BOD1L1: variants seen among roughly 807,000 people sequenced by gnomAD.
BOD1L1 encodes biorientation of chromosomes in cell division 1 like 1, also known as biorientation of chromosomes in cell division protein 1-like 1.
Under a neutral mutation model 240.7 loss-of-function variants are expected in BOD1L1, and 86 were observed. The ratio of observed to expected loss-of-function variants is 0.36; its 90% CI spans 0.30 to 0.43. The LOEUF is 0.43. BOD1L1 is among the 20% of genes least tolerant of loss of function. The pLI is 1.00. For missense variants in BOD1L1, 3,554 were observed against 3,643.5 expected (o/e 0.98, Z 0.63); for synonymous variants, 1,268 against 1,272.3 (o/e 1.00, Z 0.07).
In BOD1L1 at chr4:13,586,483, T is replaced by A; in HGVS notation, c.8354-8A>T. 6.3e-7 allele frequency: 1 copy of A among 1,585,492 alleles called. No individual in the cohort carries two copies. Among genetic ancestry groups the A allele is most frequent in the East Asian group, 2.2e-5 (1 of 44,594 alleles). On this transcript the variant is annotated splice_polypyrimidine_tract_variant and splice_region_variant and intron_variant, in intron 16 of 25. Coordinates refer to ENST00000040738, the MANE Select transcript of BOD1L1 (RefSeq NM_148894.3). Reference sequence around the variant, plus strand: ...GGACATCTGGATTATCATCTGTAAATCAGTTTAGACAGAATCACAAAGGAA... The same window carrying A: ...GGACATCTGGATTATCATCTGTAAAACAGTTTAGACAGAATCACAAAGGAA...
At chr4:13,587,242 G>C (rs1023008052) in intron 16 of BOD1L1, among the ~76,000 whole-genome samples, 1 of 152,162 alleles carries the variant, frequency 6.6e-6, no homozygotes, top group African/African-American at 2.4e-5. Flanking sequence ...AGTAGCTTCT[G>C]TATTAGACAA....
rs1231112100 is a variant in BOD1L1, at chr4:13,603,434, G to C, written c.3466C>G (p.Gln1156Glu). 2.5e-6 allele frequency: 4 copies of C among 1,613,040 alleles called. No individual in the cohort carries two copies. Among genetic ancestry groups the C allele is most frequent in the African/African-American group, 1.3e-5 (1 of 74,870 alleles). ...TTTTGAACAGTGGCAGAAGTTTTTT[G>C]TTTCATATTTTCAGAGTCAATGTCT... Reference protein sequence around the residue: ...QQDIDSENMKQKTSATVQKDE... With the variant: ...QQDIDSENMKEKTSATVQKDE... Residue 1156 changes from glutamine (Q) to glutamate (E), a missense_variant, in exon 10 of 26, where the codon CAA (glutamine) becomes GAA (glutamate). Physicochemically the swap from Gln to Glu is conservative, Grantham distance 29. This residue lies in a region of BOD1L1 where 3,393 missense variants were observed against 3,427.1 expected (regional missense o/e 0.99). Transcript: ENST00000040738.
At chr4:13,617,727 TA>T (rs1458193743) in intron 2 of BOD1L1, among the ~76,000 whole-genome samples, 1 of 152,200 alleles carries the variant, frequency 6.6e-6, no homozygotes, top group African/African-American at 2.4e-5. Flanking sequence ...TTACTGGTAT[TA>T]GACCATTTTT....
chr4:13,588,526 C>T (rs988455732), intron 15 of BOD1L1, among the ~76,000 whole-genome samples, 196 bp downstream of exon 15: 1 of 152,128 alleles, frequency 6.6e-6, no homozygotes, highest in Non-Finnish European at 1.5e-5. Context: ...TGGGCACTTC[C>T]AAACAGTCCT....
In BOD1L1 at chr4:13,599,821, T is replaced by C. The variant is rs1259857048; in HGVS notation, c.7079A>G (p.Asn2360Ser). 2 of 1,613,932 alleles carry C rather than the reference T, an allele frequency of 1.2e-6. No individual in the cohort carries two copies. The highest frequency in any genetic ancestry group is 1.7e-5 in the Admixed American group (1 of 60,008). The change falls in exon 10 of 26, where the codon AAC (asparagine) becomes AGC (serine). Residue 2360 changes from asparagine (N) to serine (S), a missense_variant. By Grantham distance (46) the Asn-to-Ser change is conservative. Around this residue, in one of 2 missense-constraint regions of BOD1L1, gnomAD observed 3,393 missense variants for 3,427.1 expected, o/e 0.99. Coordinates refer to ENST00000040738, the MANE Select transcript of BOD1L1 (RefSeq NM_148894.3). ...CACTTCTGTGGCTGACAGGTCACCG[T>C]TCCCTTCTGGGTTGTCTGCAGTCAG... ...NQLTADNPEG[N>S]GDLSATEVSK... is the part of the protein sequence containing the mutation.
chr4:13,594,295 A>C (rs1443343313), intron 12 of BOD1L1, among the ~76,000 whole-genome samples: 1 of 152,222 alleles, frequency 6.6e-6, no homozygotes, highest in Non-Finnish European at 1.5e-5. Context: ...GGACTGGCTT[A>C]AATTTGGTCA....
intron 19 of BOD1L1, 79 bp from the exon 20 acceptor site, chr4:13,581,286 C>A: frequency 1.9e-6 from 2 of 1,060,158 alleles, no homozygotes; most frequent in South Asian, 3.2e-5. Flanking sequence ...TCTCAAAAAT[C>A]AGATTTAGAG....
chr4:13,577,395 A>G lies in BOD1L1; in HGVS notation c.8884+8T>C. 4.3e-6 allele frequency: 7 copies of G among 1,610,726 alleles called. No homozygotes were observed. The highest frequency in any genetic ancestry group is 5.9e-6 in the Non-Finnish European group (7 of 1,178,504). On this transcript the variant is annotated splice_region_variant and intron_variant, in intron 24 of 25. Coordinates refer to ENST00000040738, the MANE Select transcript of BOD1L1 (RefSeq NM_148894.3). Reference sequence around the variant, plus strand: ...ATAAGACTTATTAAGAATTTGCTAGAAACATACCAGCATCATCTGATACAG... The same window carrying G: ...ATAAGACTTATTAAGAATTTGCTAGGAACATACCAGCATCATCTGATACAG...
intron 21 of BOD1L1, 40 bp from the exon 22 acceptor site, chr4:13,580,013 G>T (rs369934651): frequency 3.0e-5 from 43 of 1,415,112 alleles, no homozygotes; most frequent in African/African-American, 4.3e-5. Context: ...TTTTAAATCA[G>T]CAGTTTATAA....
In BOD1L1 at chr4:13,611,048, A is replaced by G. The variant is rs1270503560; in HGVS notation, c.1377T>C (p.Ser459=). 3.7e-6 allele frequency: 6 copies of G among 1,611,144 alleles called. No individual in the cohort carries two copies. ...GCCGTACACTTTTTGTTTTTCCTTC[A>G]CTAGAATCACTAGTTTGAGTTTTTG... ...NKTKTQTSDS[S]EGKTKSVRHA... The change falls in exon 6 of 26, where the codon AGT becomes AGC. Residue 459 remains serine, a synonymous_variant. Coordinates refer to ENST00000040738, the MANE Select transcript of BOD1L1 (RefSeq NM_148894.3).
In BOD1L1 at chr4:13,605,051, C is replaced by T; in HGVS notation, c.1849G>A (p.Glu617Lys). Reference protein sequence around the residue: ...CEKEKISSSKELKHVHAKSEP... With the variant: ...CEKEKISSSKKLKHVHAKSEP... ...CTTTTTGCATGAACATGCTTCAGCTCCTTTGAAGAAGAAATTTTTTCCTTT... is the reference window on the plus strand; with the variant it reads ...CTTTTTGCATGAACATGCTTCAGCTTCTTTGAAGAAGAAATTTTTTCCTTT... Residue 617 changes from glutamate (E) to lysine (K), a missense_variant, in exon 10 of 26, where the codon GAG (glutamate) becomes AAG (lysine). By Grantham distance (56) the Glu-to-Lys change is moderately conservative. Transcript: ENST00000040738. The T allele has an allele frequency of 6.4e-7, 1 of 1,561,652 alleles. No individual in the cohort carries two copies. Among genetic ancestry groups the T allele is most frequent in the Middle Eastern group, 1.7e-4 (1 of 5,822 alleles).
At position 13,604,160 on chromosome 4, in the gene BOD1L1, AT is replaced by A; in HGVS notation, c.2739del (p.Lys913AsnfsTer9). 1 of 1,612,746 alleles carries A rather than the reference AT, an allele frequency of 6.2e-7. No individual in the cohort carries two copies. The highest frequency in any genetic ancestry group is 8.5e-7 in the Non-Finnish European group (1 of 1,179,604). On this transcript the variant is annotated frameshift_variant, in exon 10 of 26. Transcript: ENST00000040738. LOFTEE classifies it high-confidence loss of function. ...TTTACCTGTTTGCCTTGAGTTTTTG[AT>A]TTAGACTTCAACACAAGTTTCTCTT... The part of the protein sequence containing the change: ...LLEEKLVLKS[K>X]SKTQGKQVKV...
intron 12 of BOD1L1, among the ~76,000 whole-genome samples, chr4:13,594,782 C>G (rs1056942122): frequency 6.6e-6 from 1 of 152,148 alleles, no homozygotes; most frequent in Non-Finnish European, 1.5e-5. Context: ...GTAATCCCAG[C>G]TACTCAGGAA....
chr4:13,572,407 C>A (rs929821112), intron 25 of BOD1L1, among the ~76,000 whole-genome samples: 4 of 152,150 alleles, frequency 2.6e-5, no homozygotes, highest in Non-Finnish European at 5.9e-5. Context: ...TGATTCTGGG[C>A]TGTTAAATGC....
At chr4:13,625,459 G>C (rs939515477) in intron 1 of BOD1L1, 1 of 152,174 alleles carries the variant, frequency 6.6e-6, no homozygotes, top group Non-Finnish European at 1.5e-5. Flanking sequence ...TGAAGGGTCT[G>C]GCAGGGATAT....
At chr4:13,580,091 G>A (rs1209689951) in intron 21 of BOD1L1, 118 bp from the exon 22 acceptor site, 4 of 692,980 alleles carry the variant, frequency 5.8e-6, no homozygotes, top group South Asian at 2.0e-5. Flanking sequence ...AGGCGTATTT[G>A]AGACCTATTT....
chr4:13,592,139 GTACTACCAGAATA>G, intron 12 of BOD1L1, 173 bp from the exon 13 acceptor site: 3 of 543,768 alleles, frequency 5.5e-6, no homozygotes, highest in Non-Finnish European at 6.6e-6. Context: ...AATCCATGTT[GTACTACCAGAATA>G]TACTACCAGA....
Position 13,604,962 on chromosome 4 carries a change from A to G in BOD1L1, c.1938T>C (p.Asn646=), listed in dbSNP as rs1441828716. The G allele has an allele frequency of 2.5e-6, 4 of 1,613,498 alleles. No homozygotes were observed. The highest frequency in any genetic ancestry group is 3.4e-6 in the Non-Finnish European group (4 of 1,179,748). Reference sequence around the variant, plus strand: ...TATGTTCTCTTTCTAATTTGGATTCATTTTTGTTTTCGTCAACTACATGCA... The same window carrying G: ...TATGTTCTCTTTCTAATTTGGATTCGTTTTTGTTTTCGTCAACTACATGCA... ...ESLHVVDENK[N]ESKLEREHKR... Residue 646 remains asparagine (N), a synonymous_variant, in exon 10 of 26, where the codon AAT becomes AAC. Coordinates refer to ENST00000040738, the MANE Select transcript of BOD1L1 (RefSeq NM_148894.3).
rs1716521813 is a variant in BOD1L1, at chr4:13,615,556, T to C, written c.369-54A>G. On this transcript the variant is annotated intron_variant, in intron 2 of 25. Coordinates refer to ENST00000040738, the MANE Select transcript of BOD1L1 (RefSeq NM_148894.3). ...TGAAAAAATAATATATTATTTGCAT[T>C]AATTACTTTAAAATAACACTCTACA... 1.7e-5 allele frequency: 25 copies of C among 1,447,076 alleles called. No individual in the cohort carries two copies. The South Asian group carries it at 2.9e-4, about 17-fold the overall frequency. 89.6% of individuals were successfully genotyped at this position (1,447,076 alleles called of 1,614,324 possible).
Sources: gnomAD v4.1 joint callset for allele counts (sites outside exome capture counted in the v4.1 genomes callset) on GRCh38, gnomAD v4.1.1 for gene constraint, gnomAD v4.1.1 regional missense constraint, MANE v1.5 for transcripts, NCBI Gene and HGNC (gene_info 2026-07-23, HGNC 2026-07-21) for gene names.